ZFR: variants seen among roughly 807,000 people sequenced by gnomAD.
ZFR encodes the protein zinc finger RNA binding protein.
ZFR carries 19 observed loss-of-function variants against 130.7 expected under a neutral mutation model. The ratio of observed to expected loss-of-function variants is 0.15; its 90% CI spans 0.10 to 0.21. ZFR has a LOEUF of 0.21. Among genes scored for constraint, ZFR ranks in the 10% least tolerant of loss-of-function variants. The pLI is 1.00. For synonymous variants in ZFR, 466 were observed against 456.9 expected, an observed-to-expected ratio of 1.02 and a Z score of -0.25; for missense variants, 872 against 1,321.5, an observed-to-expected ratio of 0.66 and a Z score of 5.27.
chr5:32,443,630 C>T (rs1754521579), intron 2 of ZFR, among the ~76,000 whole-genome samples: 1 of 152,280 alleles, frequency 6.6e-6, no homozygotes, highest in East Asian at 1.9e-4. Context: ...GTGACACCCG[C>T]AGTTTGTCAG....
rs774704064 is a variant in ZFR at position 32,403,328 on chromosome 5, T to C, written c.1294A>G (p.Thr432Ala). ...STEPNVVSQA[T>A]SSTAVSASKP... is the part of the protein sequence containing the mutation. The stretch of plus-strand genomic sequence containing the variant: ...GAAGCAGATACAGCTGTTGAAGAAG[T>C]AGCTTGGCTAACAACATTTGGTTCT... Residue 432 changes from threonine to alanine, a missense_variant, in exon 8 of 20, where the codon ACT becomes GCT. Transcript: ENST00000265069. The C allele has an allele frequency of 8.7e-6, 14 of 1,614,086 alleles. No homozygotes were observed. The highest frequency in any genetic ancestry group is 2.2e-5 in the East Asian group (1 of 44,894).
At chr5:32,390,530 C>T in intron 11 of ZFR, 93 bp from the exon 12 acceptor site, 3 of 1,244,870 alleles carry the variant, frequency 2.4e-6, no homozygotes, top group Non-Finnish European at 3.3e-6. Flanking sequence ...TAAAAAACCC[C>T]ACCAACATCA....
intron 7 of ZFR, 65 bp downstream of exon 7, chr5:32,403,841 C>A (rs920311766): frequency 1.4e-6 from 2 of 1,450,300 alleles, no homozygotes; most frequent in South Asian, 1.6e-5. Flanking sequence ...TTTACCTAAC[C>A]CCCTTTGAAA....
chr5:32,435,379 T>C (rs968261665), intron 2 of ZFR, among the ~76,000 whole-genome samples: 1 of 152,378 alleles, frequency 6.6e-6, no homozygotes, highest in Admixed American at 6.5e-5. Flanking sequence ...ACTACGAATA[T>C]TTTCGGAAGT....
At chr5:32,439,887 C>T (rs1213709953) in intron 2 of ZFR, among the ~76,000 whole-genome samples, 3 of 144,358 alleles carry the variant, frequency 2.1e-5, no homozygotes, top group Middle Eastern at 3.4e-3. Context: ...TATTTTATAA[C>T]GTTTATTACA....
At chr5:32,400,599 A>G (rs1753427940) in intron 8 of ZFR, among the ~76,000 whole-genome samples, 1 of 152,192 alleles carries the variant, frequency 6.6e-6, no homozygotes. Flanking sequence ...CTATGATCCC[A>G]GCACTGTGGG....
In ZFR at chr5:32,444,685, T is replaced by C. The variant is rs749521358; in HGVS notation, c.-27A>G. ...GGCTCGGGCTGCTGCTGCTGAACTC[T>C]GAACTCTCACCCGCTGCCTCCCTCC... On this transcript the variant is annotated 5_prime_UTR_variant, in exon 1 of 20. Transcript: ENST00000265069. 7.0e-5 allele frequency: 105 copies of C among 1,506,048 alleles called. No homozygotes were observed. The highest frequency in any genetic ancestry group is 6.8e-4 in the Middle Eastern group (4 of 5,870). The allele number at this position is 1,506,048 out of a possible 1,614,324, so 93.3% of individuals were successfully genotyped here.
At chr5:32,363,666 T>C (rs1237998055) in intron 19 of ZFR, among the ~76,000 whole-genome samples, 1 of 152,202 alleles carries the variant, frequency 6.6e-6, no homozygotes, top group Non-Finnish European at 1.5e-5. Flanking sequence ...CATAACCTAT[T>C]ACCCAGATTT....
At chr5:32,380,271 T>C (rs932724229) in intron 15 of ZFR, 99 bp from the exon 16 acceptor site, 1 of 749,902 alleles carries the variant, frequency 1.3e-6, no homozygotes, top group African/African-American at 1.7e-5. Flanking sequence ...CATGAGCCAT[T>C]TGAGAGCTTG....
At chr5:32,442,197 C>G (rs1754489829) in intron 2 of ZFR, among the ~76,000 whole-genome samples, 1 of 152,078 alleles carries the variant, frequency 6.6e-6, no homozygotes. Context: ...ATGAGGAAAA[C>G]AGAAAAAACC....
intron 6 of ZFR, 64 bp from the exon 7 acceptor site, chr5:32,404,161 A>G (rs1753529088): frequency 1.8e-5 from 25 of 1,413,094 alleles, no homozygotes; most frequent in Non-Finnish European, 1.6e-5. Flanking sequence ...AGATTATTCA[A>G]TTCTCAAGAA....
chr5:32,418,008 C>T (rs867610638), intron 3 of ZFR, among the ~76,000 whole-genome samples: 1 of 152,222 alleles, frequency 6.6e-6, no homozygotes, highest in South Asian at 2.1e-4. Flanking sequence ...CGCCTGTAAT[C>T]CCAGCACTTT....
Position 32,444,733 on chromosome 5 carries a change from G to T in ZFR, c.-75C>A. ...TCCTCTGCCCCGCTCCTCCTCAGCG[G>T]AGAACAGACCGCCGCCTCCGACCGC... On this transcript the variant is annotated 5_prime_UTR_variant, in exon 1 of 20. Coordinates refer to ENST00000265069, the MANE Select transcript of ZFR (RefSeq NM_016107.5). 8 of 1,484,978 alleles carry T rather than the reference G, an allele frequency of 5.4e-6. No homozygotes were observed. Among genetic ancestry groups the T allele is most frequent in the Non-Finnish European group, 7.2e-6 (8 of 1,117,858 alleles). The allele number at this position is 1,484,978 out of a possible 1,614,324, so 92.0% of individuals were successfully genotyped here. A position where few individuals can be genotyped will look rare whatever the true frequency, so the allele number is the denominator to read the frequency against.
chr5:32,407,880 G>A (rs190914046), intron 5 of ZFR, among the ~76,000 whole-genome samples: 85 of 152,234 alleles, frequency 5.6e-4, no homozygotes, highest in Middle Eastern at 3.4e-3. Context: ...TGAACGTGGA[G>A]ACGGGGTTTC....
At chr5:32,415,293 A>G in intron 4 of ZFR, 106 bp from the exon 5 acceptor site, 1 of 977,398 alleles carries the variant, frequency 1.0e-6, no homozygotes, top group Non-Finnish European at 1.5e-6. Context: ...ATCATTAACT[A>G]TAAATTTTAT....
chr5:32,383,704 C>T (rs1390294142), intron 15 of ZFR: 9 of 455,172 alleles, frequency 2.0e-5, no homozygotes, highest in Non-Finnish European at 4.0e-5. Context: ...AAGCTATAGG[C>T]TTTAAATGAT....
intron 2 of ZFR, among the ~76,000 whole-genome samples, chr5:32,435,086 T>C (rs968042839): frequency 6.6e-6 from 1 of 152,134 alleles, no homozygotes; most frequent in Non-Finnish European, 1.5e-5. Context: ...GGGGGGTTAA[T>C]TTTTGTAGAG....
chr5:32,409,467 G>A (rs1163470437), intron 5 of ZFR, among the ~76,000 whole-genome samples: 10 of 150,376 alleles, frequency 6.7e-5, no homozygotes, highest in Admixed American at 2.0e-4. Flanking sequence ...GTGCAGTGGC[G>A]CAATCTCGAC....
rs1862636 is a variant in ZFR at position 32,379,104 on chromosome 5, G to A, written c.2835+11C>T. 0.95 allele frequency: 1,517,942 copies of A among 1,600,484 alleles called. 720,372 individuals are homozygous for A. The highest frequency in any genetic ancestry group is 0.98 in the African/African-American group (73,202 of 74,740). On this transcript the variant is annotated intron_variant, in intron 17 of 19. Transcript: ENST00000265069. ...ACATGTTTTTACACCATACAGTTAC[G>A]TACTACTTACCCAGCTTGGAAAATC...
Sources: allele counts gnomAD v4.1 joint callset (sites outside exome capture counted in the v4.1 genomes callset), GRCh38; gene constraint gnomAD v4.1.1; transcripts MANE v1.5; gene names NCBI Gene and HGNC (gene_info 2026-07-23, HGNC 2026-07-21).